Variants in SLC39A10 observed in about 807,000 individuals in gnomAD.
The protein encoded by SLC39A10 is zinc transporter ZIP10.
A neutral mutation model predicts 65.1 loss-of-function variants in SLC39A10; 13 were observed. That is an observed-to-expected ratio of 0.20 (90% CI 0.13 to 0.32). The LOEUF is 0.32. Among genes scored for constraint, SLC39A10 ranks in the 10% least tolerant of loss-of-function variants. SLC39A10 has a pLI of 1.00. For synonymous variants in SLC39A10, 321 were observed against 342.2 expected (o/e 0.94, Z 0.68); for missense variants, 831 against 1,018.4 (o/e 0.82, Z 2.50).
At chr2:195,711,940 G>C (rs1338352584) in intron 5 of SLC39A10, among the ~76,000 whole-genome samples, 1 of 151,256 alleles carries the variant, frequency 6.6e-6, no homozygotes, top group Non-Finnish European at 1.5e-5. Context: ...TTATTTTCCT[G>C]TGAATGTCTT....
intron 3 of SLC39A10, among the ~76,000 whole-genome samples, chr2:195,701,435 C>CTTTTTTTTTTTTTTTTTTTTTTT (rs66525117): frequency 1.8e-4 from 1 of 5,500 alleles, no homozygotes; most frequent in Admixed American, 2.9e-3. Flanking sequence ...TTCTGTGATT[C>CTTTTTTTTTTTTTTTTTTTTTTT]TTTTTTTTTT....
chr2:195,676,981 T>A (rs1470637779), intron 1 of SLC39A10, among the ~76,000 whole-genome samples: 4 of 152,264 alleles, frequency 2.6e-5, no homozygotes, highest in Non-Finnish European at 5.9e-5. Context: ...TTCCTTTTAG[T>A]GGTTTTATAT....
rs182136513 is a variant in SLC39A10 at position 195,624,096 on chromosome 2, G to A, written c.-12+17863G>A. On this transcript the variant is annotated intron_variant, in intron 2 of 2. Coordinates refer to the SLC39A10 transcript ENST00000458054. ...CCCTTCAGCTGTATTTGTATATAAAGAAGGCCTGGCCAGGTGCGGTGGTTC... is the reference window on the plus strand; with the variant it reads ...CCCTTCAGCTGTATTTGTATATAAAAAAGGCCTGGCCAGGTGCGGTGGTTC... Among the ~76,000 whole-genome samples the A allele has an allele frequency of 4.2e-3, 642 of 152,114 alleles. 4 individuals carry two copies. Among genetic ancestry groups the A allele is most frequent in the African/African-American group, 0.015 (605 of 41,530 alleles).
intron 2 of SLC39A10, among the ~76,000 whole-genome samples, chr2:195,616,755 C>T (rs1688219363): frequency 6.6e-6 from 1 of 152,032 alleles, no homozygotes; most frequent in Admixed American, 6.6e-5. Context: ...AGGCTCCCGC[C>T]ACCACGCCTG....
intron 2 of SLC39A10, among the ~76,000 whole-genome samples, chr2:195,621,486 G>A (rs1251213144): frequency 1.3e-5 from 2 of 152,174 alleles, no homozygotes; most frequent in African/African-American, 4.8e-5. Context: ...CAGCGTAGGG[G>A]CAAGGACTGT....
At chr2:195,631,851 A>G (rs570596887) in intron 2 of SLC39A10, among the ~76,000 whole-genome samples, 6 of 152,190 alleles carry the variant, frequency 3.9e-5, no homozygotes, top group Non-Finnish European at 8.8e-5. Flanking sequence ...CATAATATTT[A>G]TTGCTGAGGC....
At chr2:195,694,682 C>T (rs1376918772) in intron 3 of SLC39A10, among the ~76,000 whole-genome samples, 1 of 152,082 alleles carries the variant, frequency 6.6e-6, no homozygotes, top group East Asian at 1.9e-4. Flanking sequence ...CTGTGAAGGT[C>T]CTTGATTTTA....
intron 9 of SLC39A10, among the ~76,000 whole-genome samples, chr2:195,730,044 A>G (rs942169550): frequency 2.7e-5 from 4 of 148,692 alleles, no homozygotes; most frequent in Non-Finnish European, 5.9e-5. Context: ...GCCTCAAACA[A>G]TGCTCCAGCC....
At chr2:195,616,795 G>C (rs1688220807) in intron 2 of SLC39A10, among the ~76,000 whole-genome samples, 1 of 151,960 alleles carries the variant, frequency 6.6e-6, no homozygotes, top group Non-Finnish European at 1.5e-5. Flanking sequence ...AGTAGAGACG[G>C]GGTTTCACCA....
intron 1 of SLC39A10, among the ~76,000 whole-genome samples, chr2:195,661,239 T>A (rs1047247272): frequency 3.3e-5 from 5 of 151,566 alleles, no homozygotes; most frequent in Admixed American, 2.0e-4. Context: ...TCAAACTCTT[T>A]TTTTTCTTTT....
chr2:195,635,698 A>ACC (rs150403511), intron 2 of SLC39A10, among the ~76,000 whole-genome samples: 7,101 of 110,156 alleles, frequency 0.064, 472 homozygotes, highest in East Asian at 0.26. Flanking sequence ...TTTTTGTGGA[A>ACC]CCCCCCCCAC....
At chr2:195,650,918 T>TA (rs10534486) in intron 2 of SLC39A10, among the ~76,000 whole-genome samples, 1 of 148,026 alleles carries the variant, frequency 6.8e-6, no homozygotes, top group African/African-American at 2.5e-5. Context: ...GAAAGGAGTT[T>TA]AAAAAAAAAA....
intron 5 of SLC39A10, among the ~76,000 whole-genome samples, chr2:195,711,868 C>G (rs1172483305): frequency 6.6e-6 from 1 of 152,184 alleles, no homozygotes; most frequent in Non-Finnish European, 1.5e-5. Flanking sequence ...TCCTCCTTCC[C>G]CTTTTTCCCC....
intron 1 of SLC39A10, among the ~76,000 whole-genome samples, chr2:195,667,320 G>A (rs572392591): frequency 3.9e-5 from 6 of 152,298 alleles, no homozygotes; most frequent in South Asian, 2.1e-4. Context: ...CCATGAAGCT[G>A]TAAGAGGATT....
intron 3 of SLC39A10, among the ~76,000 whole-genome samples, chr2:195,692,244 A>G (rs1003731902): frequency 2.6e-5 from 4 of 152,246 alleles, no homozygotes; most frequent in Middle Eastern, 3.4e-3. Flanking sequence ...TTTGGTGGCT[A>G]TGGCCTTATA....
At chr2:195,711,524 AG>A (rs75696274) in intron 5 of SLC39A10, among the ~76,000 whole-genome samples, 1,590 of 152,336 alleles carry the variant, frequency 0.01, 35 homozygotes, top group East Asian at 0.07. Flanking sequence ...CAGATAAGTC[AG>A]GGCATCTGCT....
chr2:195,734,475 T>G (rs1198654299), intron 9 of SLC39A10, among the ~76,000 whole-genome samples: 1 of 152,226 alleles, frequency 6.6e-6, no homozygotes, highest in Non-Finnish European at 1.5e-5. Flanking sequence ...GAATCTTGCT[T>G]TCTTATTGAG....
At chr2:195,619,835 C>T (rs918084989) in intron 2 of SLC39A10, among the ~76,000 whole-genome samples, 3 of 152,200 alleles carry the variant, frequency 2.0e-5, no homozygotes, top group Non-Finnish European at 4.4e-5. Flanking sequence ...CCTCCGCCTG[C>T]CAGTCCCAGC....
At chr2:195,625,658 G>A (rs1476140173) in intron 2 of SLC39A10, among the ~76,000 whole-genome samples, 1 of 152,098 alleles carries the variant, frequency 6.6e-6, no homozygotes, top group East Asian at 1.9e-4. Flanking sequence ...CTTTTATTAA[G>A]TACCTAATTG....
Sources: allele counts gnomAD v4.1 joint callset (sites outside exome capture counted in the v4.1 genomes callset), GRCh38; gene constraint gnomAD v4.1.1; transcripts MANE v1.5; gene names NCBI Gene and HGNC (gene_info 2026-07-23, HGNC 2026-07-21).